MFAP3L: variants seen among roughly 807,000 people sequenced by gnomAD.
MFAP3L encodes the protein microfibrillar-associated protein 3-like.
A neutral mutation model predicts 20.0 loss-of-function variants in MFAP3L; 5 were observed. The ratio of observed to expected loss-of-function variants is 0.25; its 90% confidence interval spans 0.13 to 0.53. The LOEUF (loss-of-function observed/expected upper bound fraction) is 0.53. MFAP3L is among the 20% of genes least tolerant of loss of function. The probability of loss-of-function intolerance (pLI) is 0.96; values close to 1 mark genes in which losing one functional copy is unlikely to be tolerated. For synonymous variants in MFAP3L, 219 were observed against 213.0 expected, an observed-to-expected ratio of 1.03 and a Z score of -0.25; for missense variants, 409 against 527.5, an observed-to-expected ratio of 0.78 and a Z score of 2.20.
intron 1 of MFAP3L, among the ~76,000 whole-genome samples, chr4:170,022,758 C>T (rs971789245): frequency 2.0e-5 from 3 of 152,102 alleles, no homozygotes; most frequent in African/African-American, 4.8e-5. Context: ...GCTTTGAAGA[C>T]GGATGGGGCT....
At position 169,995,473 on chromosome 4, in the gene MFAP3L, A is replaced by T. The variant is rs557242572; in HGVS notation, c.299-3164T>A. Among the ~76,000 whole-genome samples, 122 of 152,304 alleles carry T rather than the reference A, an allele frequency of 8.0e-4. 3 individuals carry two copies. In the South Asian group the frequency reaches 0.025, roughly 31 times the overall value. ...CCACGTACAGCTCTGAAAACTAAAG[A>T]TGGTGCAAATTCTGTTTGGAGGCTC... is the stretch of plus-strand genomic sequence containing the variant. On this transcript the variant is annotated intron_variant, in intron 2 of 2. Transcript: ENST00000361618.
Position 169,989,347 on chromosome 4 carries a change from A to C in MFAP3L, c.*2031T>G, listed in dbSNP as rs911444022. On this transcript the variant is annotated 3_prime_UTR_variant, in exon 3 of 3. Transcript: ENST00000361618. ...GACTAGTTCTATCACCTTCCACAAC[A>C]GTTATCTATAAACAAACTAATCAAG... 1 of 152,202 alleles carries C rather than the reference A, an allele frequency of 6.6e-6. No individual in the cohort carries two copies. Among genetic ancestry groups the C allele is most frequent in the Non-Finnish European group, 1.5e-5 (1 of 68,042 alleles). 9.4% of individuals were successfully genotyped at this position (152,202 alleles called of 1,614,324 possible).
chr4:170,026,539 C>CGGTGCGGCGCGAGCCAGTCGGT (rs1184341639), upstream of MFAP3L: 1 of 151,164 alleles, frequency 6.6e-6, no homozygotes, highest in Admixed American at 6.6e-5. Context: ...GCGGGGCGGG[C>CGGTGCGGCGCGAGCCAGTCGGT]GGTGCGGCGC....
At position 170,026,339 on chromosome 4, in the gene MFAP3L, C is replaced by T; in HGVS notation, c.-239G>A. On this transcript the variant is annotated 5_prime_UTR_variant, in exon 1 of 3. Coordinates refer to ENST00000361618, the MANE Select transcript of MFAP3L (RefSeq NM_021647.8). Reference sequence around the variant, plus strand: ...TGCGCCGGACGCCCGGTAGCGCCTACTGCGGGCGAGCCGCCTCCGCCGGCG... The same window carrying T: ...TGCGCCGGACGCCCGGTAGCGCCTATTGCGGGCGAGCCGCCTCCGCCGGCG... 1.0e-6 allele frequency: 1 copy of T among 963,710 alleles called. No homozygotes were observed. The allele number at this position is 963,710 out of a possible 1,614,324, so 59.7% of individuals were successfully genotyped here.
At chr4:170,027,092 G>GT (rs1339000874), upstream of MFAP3L, 3 of 151,690 alleles carry the variant, frequency 2.0e-5, no homozygotes, top group Non-Finnish European at 4.4e-5. Context: ...TAATTTCCAC[G>GT]TTTTTTCTAA....
rs992891088 is a variant in MFAP3L at position 169,991,553 on chromosome 4, T to C, written c.1055A>G (p.His352Arg). 8 of 1,614,068 alleles carry C rather than the reference T, an allele frequency of 5.0e-6. No homozygotes were observed. The Admixed American group carries it at 5.0e-5, about 10-fold the overall frequency. Residue 352 changes from histidine to arginine, a missense_variant, in exon 3 of 3, where the codon CAT becomes CGT. Physicochemically the swap from His to Arg is conservative, Grantham distance 29 (BLOSUM62 0). Transcript: ENST00000361618. The surrounding 1 kb of genome is among the most constrained non-coding windows in gnomAD (Gnocchi z 4.9). ...AGAAGGTTCTGCAGTTTCGGGGGAA[T>C]GTTCCGCCGACAGTTCTGTCTCCTC... ...DVEETELSAE[H>R]SPETAEPSTD...
At chr4:170,027,182 T>C (rs763547352), upstream of MFAP3L, 14 of 151,746 alleles carry the variant, frequency 9.2e-5, no homozygotes, top group Non-Finnish European at 1.8e-4. Context: ...CGCTACACGA[T>C]CCTGCAATGT....
At chr4:170,005,233 A>G (rs1738952777) in intron 2 of MFAP3L, 3 of 329,202 alleles carry the variant, frequency 9.1e-6, no homozygotes, top group African/African-American at 2.1e-5. Context: ...TATTCCAGCC[A>G]TCTCCATGAA....
chr4:170,005,029 C>T (rs1269371894), intron 2 of MFAP3L: 1 of 154,036 alleles, frequency 6.5e-6, no homozygotes, highest in African/African-American at 2.4e-5. Flanking sequence ...AAGCAGTCTC[C>T]TGTTGTCCCA....
intron 2 of MFAP3L, chr4:169,994,386 A>G (rs1737977926): frequency 1.0e-6 from 1 of 984,958 alleles, no homozygotes; most frequent in African/African-American, 1.7e-5. Flanking sequence ...GAACACTAAC[A>G]AGACAGGCAT....
chr4:170,005,330 A>G (rs1209618557), intron 2 of MFAP3L: 13 of 558,912 alleles, frequency 2.3e-5, no homozygotes, highest in African/African-American at 2.2e-4. Context: ...GATGTATTAT[A>G]TTACAAAATT....
chr4:169,997,057 A>C (rs1429944032), intron 2 of MFAP3L, among the ~76,000 whole-genome samples: 2 of 150,168 alleles, frequency 1.3e-5, no homozygotes, highest in Non-Finnish European at 2.9e-5. Context: ...TGAGAAGTTT[A>C]AAGATGAAGA....
chr4:170,010,563 C>T (rs1739311313), intron 1 of MFAP3L, among the ~76,000 whole-genome samples: 1 of 152,172 alleles, frequency 6.6e-6, no homozygotes, highest in South Asian at 2.1e-4. Context: ...AGGCTGAAGA[C>T]ATTTACGATG....
intron 1 of MFAP3L, among the ~76,000 whole-genome samples, chr4:170,011,044 C>G (rs150336886): frequency 6.6e-6 from 1 of 152,130 alleles, no homozygotes; most frequent in African/African-American, 2.4e-5. Context: ...CTCACGAGAT[C>G]TAACGGTTTT....
At chr4:170,007,350 T>C (rs919433978) in intron 1 of MFAP3L, among the ~76,000 whole-genome samples, 2 of 152,164 alleles carry the variant, frequency 1.3e-5, no homozygotes. Flanking sequence ...TTGGCTAAAC[T>C]TGTGGTTTCC....
intron 1 of MFAP3L, among the ~76,000 whole-genome samples, chr4:170,017,487 C>T (rs1739772355): frequency 6.6e-6 from 1 of 152,152 alleles, no homozygotes; most frequent in Non-Finnish European, 1.5e-5. Context: ...CACACAACAG[C>T]GTAAGAATCT....
At chr4:170,025,972 G>A (rs911955732) in intron 1 of MFAP3L, among the ~76,000 whole-genome samples, 2 of 152,054 alleles carry the variant, frequency 1.3e-5, no homozygotes, top group African/African-American at 4.8e-5. Context: ...CTCGCCCTCG[G>A]AAGGTTACGG....
chr4:170,024,653 G>A (rs1398355045), intron 1 of MFAP3L, among the ~76,000 whole-genome samples: 1 of 152,136 alleles, frequency 6.6e-6, no homozygotes, highest in East Asian at 1.9e-4. Flanking sequence ...CTAAAATGGG[G>A]GACTGCAGGT....
At chr4:170,005,473 A>G in intron 2 of MFAP3L, 107 bp downstream of exon 2, 1 of 1,240,358 alleles carries the variant, frequency 8.1e-7, no homozygotes, top group Non-Finnish European at 1.1e-6. Flanking sequence ...ACAAGACAAG[A>G]TGAGATCTTT....
Sources: gnomAD v4.1 joint callset for allele counts (sites outside exome capture counted in the v4.1 genomes callset) on GRCh38, gnomAD v4.1.1 for gene constraint, Gnocchi (gnomAD v3.1) non-coding constraint, MANE v1.5 for transcripts, NCBI Gene and HGNC (gene_info 2026-07-23, HGNC 2026-07-21) for gene names.